TANK: variants seen among roughly 807,000 people sequenced by gnomAD.
TANK encodes TRAF family member associated NFKB activator.
Under a neutral mutation model 43.6 loss-of-function variants are expected in TANK, and 15 were observed. That is an observed-to-expected ratio of 0.34 (90% CI 0.23 to 0.53). TANK has a LOEUF of 0.53. Ranked by LOEUF, TANK falls within the 20% of genes least tolerant of loss-of-function variation. TANK has a pLI of 0.94. For missense variants in TANK, 417 were observed against 498.6 expected, an observed-to-expected ratio of 0.84 and a Z score of 1.56; for synonymous variants, 162 against 178.2, an observed-to-expected ratio of 0.91 and a Z score of 0.73.
chr2:161,199,162 G>A (rs925580444), intron 2 of TANK, among the ~76,000 whole-genome samples: 5 of 151,890 alleles, frequency 3.3e-5, no homozygotes, highest in Non-Finnish European at 7.4e-5. Context: ...GAGCATTTGT[G>A]GTAGCCACGC....
rs199974071 is a variant in TANK at position 161,231,185 on chromosome 2, C to A, written c.735C>A (p.Phe245Leu). 1.9e-6 allele frequency: 3 copies of A among 1,614,002 alleles called. No individual in the cohort carries two copies. Among genetic ancestry groups the A allele is most frequent in the Non-Finnish European group, 2.5e-6 (3 of 1,180,026 alleles). The change falls in exon 7 of 8, where the codon TTC becomes TTA. Residue 245 changes from phenylalanine (F) to leucine (L), a missense_variant. Physicochemically the swap from Phe to Leu is conservative, Grantham distance 22. Coordinates refer to ENST00000392749, the MANE Select transcript of TANK (RefSeq NM_001199135.3). ...KFPPMDNDST[F>L]LHSTPERPGI... ...CACCTATGGACAATGACTCAACTTT[C>A]TTACATAGCACTCCAGAGAGACCCG...
At chr2:161,204,839 G>T in intron 4 of TANK, 46 bp downstream of exon 4, 1 of 1,586,766 alleles carries the variant, frequency 6.3e-7, no homozygotes, top group South Asian at 1.2e-5. Flanking sequence ...GCTGATGCGT[G>T]ACATAGCTTC....
intron 1 of TANK, chr2:161,161,733 A>G (rs978785212): frequency 2.9e-5 from 7 of 244,304 alleles, no homozygotes; most frequent in African/African-American, 1.5e-4. Flanking sequence ...AGATGTACCA[A>G]ATTATAGTTA....
intron 6 of TANK, among the ~76,000 whole-genome samples, chr2:161,226,815 A>AT (rs1284994203): frequency 4.3e-5 from 1 of 23,496 alleles, no homozygotes; most frequent in Non-Finnish European, 1.9e-4. Flanking sequence ...CAATTTCAGT[A>AT]GAGATTGGGA....
upstream of TANK, chr2:161,156,113 C>T (rs181752672): frequency 3.7e-5 from 36 of 985,250 alleles, no homozygotes; most frequent in Admixed American, 3.7e-4. Flanking sequence ...CTGTGGTTGC[C>T]GTCTCTGTTC....
intron 4 of TANK, chr2:161,212,212 C>A (rs59650047): frequency 0.038 from 11,914 of 311,572 alleles, 389 homozygotes; most frequent in East Asian, 0.17. Context: ...ATGCACACAC[C>A]ACCACACCTG....
At chr2:161,231,576 T>C (rs753081886) in intron 7 of TANK, 25 bp downstream of exon 7, 10 of 1,589,486 alleles carry the variant, frequency 6.3e-6, no homozygotes, top group Non-Finnish European at 8.6e-6. Context: ...TTAACAAATA[T>C]ATTATTATGT....
chr2:161,225,049 C>G (rs1260592736), intron 6 of TANK, among the ~76,000 whole-genome samples: 1 of 152,030 alleles, frequency 6.6e-6, no homozygotes, highest in Non-Finnish European at 1.5e-5. Context: ...GACTATATCC[C>G]TGAAAGTTTT....
At chr2:161,160,064 C>T (rs1684335336), upstream of TANK, 1 of 202,198 alleles carries the variant, frequency 4.9e-6, no homozygotes, top group Admixed American at 6.0e-5. Flanking sequence ...TTTTGTTTCT[C>T]AGGTGATTCT....
At chr2:161,190,370 G>A (rs1574010321) in intron 2 of TANK, among the ~76,000 whole-genome samples, 1 of 152,248 alleles carries the variant, frequency 6.6e-6, no homozygotes, top group East Asian at 1.9e-4. Context: ...AAATAATGCA[G>A]CCATTGTGGA....
At chr2:161,137,147 T>C in intron 1 of TANK, 1 of 985,448 alleles carries the variant, frequency 1.0e-6, no homozygotes, top group South Asian at 4.7e-5. Flanking sequence ...GCAGATGTGT[T>C]ACCCTCTTAC....
At chr2:161,218,563 G>A (rs922126364) in intron 4 of TANK, among the ~76,000 whole-genome samples, 3 of 152,148 alleles carry the variant, frequency 2.0e-5, no homozygotes, top group Admixed American at 6.5e-5. Flanking sequence ...GTGCAGTGGC[G>A]TGCACCTGTA....
chr2:161,201,223 A>T, intron 2 of TANK: 1 of 979,828 alleles, frequency 1.0e-6, no homozygotes, highest in South Asian at 4.7e-5. Context: ...AGAAGTAGTT[A>T]AAACTTCAAT....
At chr2:161,170,487 T>TG (rs775695666) in intron 1 of TANK, among the ~76,000 whole-genome samples, 11 of 152,300 alleles carry the variant, frequency 7.2e-5, no homozygotes, top group Middle Eastern at 3.4e-3. Flanking sequence ...CAGATCACTA[T>TG]GGGAAAAAAG....
intron 1 of TANK, chr2:161,163,181 TGTA>T: frequency 6.6e-6 from 1 of 152,298 alleles, no homozygotes; most frequent in African/African-American, 2.4e-5. Context: ...TCCGCTCTGA[TGTA>T]GTTTAAATAG....
chr2:161,218,843 G>C (rs895863034), intron 4 of TANK, among the ~76,000 whole-genome samples: 1 of 152,120 alleles, frequency 6.6e-6, no homozygotes, highest in South Asian at 2.1e-4. Flanking sequence ...AGTTCTTGCT[G>C]TGTTGCCCAG....
At chr2:161,210,245 T>C (rs763643068) in intron 4 of TANK, among the ~76,000 whole-genome samples, 13 of 152,186 alleles carry the variant, frequency 8.5e-5, no homozygotes, top group African/African-American at 2.9e-4. Context: ...CAAGTAAATA[T>C]AGAAGCTCTG....
chr2:161,165,054 T>G (rs1204743509), intron 1 of TANK, among the ~76,000 whole-genome samples: 1 of 151,368 alleles, frequency 6.6e-6, no homozygotes, highest in African/African-American at 2.4e-5. Context: ...TTTTTTTTTT[T>G]TTTTTTGCAA....
At chr2:161,160,385 C>G, upstream of TANK, 1 of 1,231,210 alleles carries the variant, frequency 8.1e-7, no homozygotes, top group Non-Finnish European at 1.0e-6. Context: ...CGCGCAGGCA[C>G]TGCCCTCTGA....
Sources: allele counts gnomAD v4.1 joint callset (sites outside exome capture counted in the v4.1 genomes callset), GRCh38; gene constraint gnomAD v4.1.1; transcripts MANE v1.5; gene names NCBI Gene and HGNC (gene_info 2026-07-23, HGNC 2026-07-21).